ZNF621: variants seen among roughly 807,000 people sequenced by gnomAD.
ZNF621 encodes the protein zinc finger protein 621.
In ZNF621, 6 loss-of-function variants were observed where a neutral mutation model predicts 12.7. That is an observed-to-expected ratio of 0.47 (90% CI 0.26 to 0.93). The LOEUF (loss-of-function observed/expected upper bound fraction) is 0.93, where lower values mean the gene tolerates loss of function less well. Ranked by LOEUF, ZNF621 falls within the 40% of genes least tolerant of loss-of-function variation. The pLI is 0.15. For synonymous variants in ZNF621, 156 were observed against 190.3 expected (o/e 0.82, Z 1.48); for missense variants, 474 against 524.0 (o/e 0.90, Z 0.93).
In ZNF621 at chr3:40,536,339, C is replaced by G. The variant is rs1698863949; in HGVS notation, c.*3249C>G. On this transcript the variant is annotated 3_prime_UTR_variant, in exon 5 of 5. Coordinates refer to ENST00000339296, the MANE Select transcript of ZNF621 (RefSeq NM_198484.5). ...CCTCAAGTGATCCACCCACCTCGGTCTCCCAAAGTGTTGGGATTACAGGCG... is the reference window on the plus strand; with the variant it reads ...CCTCAAGTGATCCACCCACCTCGGTGTCCCAAAGTGTTGGGATTACAGGCG... 6.6e-6 allele frequency: 1 copy of G among 152,230 alleles called. No homozygotes were observed. Among genetic ancestry groups the G allele is most frequent in the African/African-American group, 2.4e-5 (1 of 41,444 alleles). 9.4% of individuals were successfully genotyped at this position (152,230 alleles called of 1,614,324 possible). A position where few individuals can be genotyped will look rare whatever the true frequency, so the allele number is the denominator to read the frequency against.
rs944038318 is a variant in ZNF621, at chr3:40,533,774, GA to G, written c.*686del. The G allele has an allele frequency of 6.6e-6, 1 of 152,502 alleles. No individual in the cohort carries two copies. The highest frequency in any genetic ancestry group is 2.4e-5 in the African/African-American group (1 of 41,436). The allele number at this position is 152,502 out of a possible 1,614,324, so 9.4% of individuals were successfully genotyped here. A position where few individuals can be genotyped will look rare whatever the true frequency, so the allele number is the denominator to read the frequency against. On this transcript the variant is annotated 3_prime_UTR_variant, in exon 5 of 5. Transcript: ENST00000339296. ...ACCTGTGGCTACTGGTAGAGAATTG[GA>G]ATAAGCTTCCAACAATGGACTGTAG... is the stretch of plus-strand genomic sequence containing the variant.
intron 1 of ZNF621, 186 bp from the exon 2 acceptor site, chr3:40,525,593 T>C (rs921817073): frequency 1.6e-6 from 1 of 620,996 alleles, no homozygotes; most frequent in Admixed American, 2.9e-5. Context: ...AGGTGGAAGA[T>C]TGTCCTGAAG....
chr3:40,538,362 A>C lies in ZNF621; in HGVS notation c.*5272A>C. On this transcript the variant is annotated 3_prime_UTR_variant, in exon 5 of 5. Transcript: ENST00000339296. ...ACCCTATCTCTACTAAAAATACAAA[A>C]ATTAGCTGGATGTGGTGGTGTGTGC... is the stretch of plus-strand genomic sequence containing the variant. 1 of 237,068 alleles carries C rather than the reference A, an allele frequency of 4.2e-6. No individual in the cohort carries two copies. Among genetic ancestry groups the C allele is most frequent in the Non-Finnish European group, 8.7e-6 (1 of 115,148 alleles). 14.7% of individuals were successfully genotyped at this position (237,068 alleles called of 1,614,324 possible).
rs180777223 is a variant in ZNF621, at chr3:40,535,720, A to G, written c.*2630A>G. 1 of 152,288 alleles carries G rather than the reference A, an allele frequency of 6.6e-6. No individual in the cohort carries two copies. The highest frequency in any genetic ancestry group is 1.9e-4 in the East Asian group (1 of 5,176). The allele number at this position is 152,288 out of a possible 1,614,324, so 9.4% of individuals were successfully genotyped here. A position where few individuals can be genotyped will look rare whatever the true frequency, so the allele number is the denominator to read the frequency against. On this transcript the variant is annotated 3_prime_UTR_variant, in exon 5 of 5. Coordinates refer to ENST00000339296, the MANE Select transcript of ZNF621 (RefSeq NM_198484.5). ...GGATTCTGCCTGGGAAGAGAGTCAT[A>G]GTATGAAGAAGTCTGAAAATGGGGA...
intron 4 of ZNF621, among the ~76,000 whole-genome samples, chr3:40,531,755 G>C (rs1698730714): frequency 6.6e-6 from 1 of 151,964 alleles, no homozygotes; most frequent in African/African-American, 2.4e-5. Context: ...GTGGAGATGG[G>C]GTTTCACCAT....
chr3:40,525,354 C>T (rs186145768), intron 1 of ZNF621, 80 bp downstream of exon 1: 94 of 180,584 alleles, frequency 5.2e-4, no homozygotes, highest in African/African-American at 2.1e-3. Context: ...GGTCTCCGGT[C>T]AGCATCACCC....
In ZNF621 at chr3:40,539,670, T is replaced by C. The variant is rs554308101; in HGVS notation, c.*6580T>C. 1.3e-5 allele frequency: 2 copies of C among 152,360 alleles called. No homozygotes were observed. Among genetic ancestry groups the C allele is most frequent in the Non-Finnish European group, 2.9e-5 (2 of 68,032 alleles). The allele number at this position is 152,360 out of a possible 1,614,324, so 9.4% of individuals were successfully genotyped here. A position where few individuals can be genotyped will look rare whatever the true frequency, so the allele number is the denominator to read the frequency against. ...ACATTGCTATGAAGTTTATCAGTAA[T>C]AATATCTTATTTCATGGTTGTCCAG... On this transcript the variant is annotated 3_prime_UTR_variant, in exon 5 of 5. Coordinates refer to ENST00000339296, the MANE Select transcript of ZNF621 (RefSeq NM_198484.5).
Position 40,538,577 on chromosome 3 carries a change from C to G in ZNF621, c.*5487C>G, listed in dbSNP as rs1267562458. The G allele has an allele frequency of 6.5e-6, 1 of 155,018 alleles. No individual in the cohort carries two copies. Among genetic ancestry groups the G allele is most frequent in the African/African-American group, 2.4e-5 (1 of 41,390 alleles). 9.6% of individuals were successfully genotyped at this position (155,018 alleles called of 1,614,324 possible). A position where few individuals can be genotyped will look rare whatever the true frequency, so the allele number is the denominator to read the frequency against. ...TAATGTGTCTGGTCACCCAAGAGTT[C>G]TGATGGAGATGTACAAAGAGATTAA... On this transcript the variant is annotated 3_prime_UTR_variant, in exon 5 of 5. Transcript: ENST00000339296.
At position 40,532,943 on chromosome 3, in the gene ZNF621, C is replaced by T. The variant is rs1698771948; in HGVS notation, c.1173C>T (p.Leu391=). The T allele has an allele frequency of 6.4e-7, 1 of 1,557,326 alleles. No homozygotes were observed. Among genetic ancestry groups the T allele is most frequent in the African/African-American group, 1.4e-5 (1 of 73,198 alleles). Residue 391 remains leucine (L), a synonymous_variant, in exon 5 of 5, where the codon CTC becomes CTT. Coordinates refer to ENST00000339296, the MANE Select transcript of ZNF621 (RefSeq NM_198484.5). The stretch of plus-strand genomic sequence containing the variant: ...CACTGACCTTTCCACATGCTGTGCT[C>T]ATTCCTACCTCTGGGAATTTTTTCA... ...VPSLTFPHAV[L]IPTSGNFFML...
rs533008749 is a variant in ZNF621 at position 40,535,835 on chromosome 3, A to G, written c.*2745A>G. On this transcript the variant is annotated 3_prime_UTR_variant, in exon 5 of 5. Transcript: ENST00000339296. Reference sequence around the variant, plus strand: ...TACCTAAATGACAGAAGGATGCACTATATTCATGGGTAGGAAAGATTAGTT... The same window carrying G: ...TACCTAAATGACAGAAGGATGCACTGTATTCATGGGTAGGAAAGATTAGTT... The G allele has an allele frequency of 3.3e-5, 5 of 152,294 alleles. 1 individual carries two copies. In the South Asian group the frequency reaches 1.0e-3, roughly 32 times the overall value. The allele number at this position is 152,294 out of a possible 1,614,324, so 9.4% of individuals were successfully genotyped here. A position where few individuals can be genotyped will look rare whatever the true frequency, so the allele number is the denominator to read the frequency against.
Position 40,538,213 on chromosome 3 carries a change from A to G in ZNF621, c.*5123A>G. On this transcript the variant is annotated 3_prime_UTR_variant, in exon 5 of 5. Coordinates refer to ENST00000339296, the MANE Select transcript of ZNF621 (RefSeq NM_198484.5). ...AGCCCACTGTTGAGACCTACTAAAT[A>G]TTAGGAAAAAAGAATTCTGTCAGGT... The G allele has an allele frequency of 2.4e-6, 1 of 417,646 alleles. No homozygotes were observed. The highest frequency in any genetic ancestry group is 1.7e-5 in the South Asian group (1 of 59,132). 25.9% of individuals were successfully genotyped at this position (417,646 alleles called of 1,614,324 possible). A position where few individuals can be genotyped will look rare whatever the true frequency, so the allele number is the denominator to read the frequency against.
At chr3:40,530,058 C>T in intron 3 of ZNF621, 151 bp from the exon 4 acceptor site, 1 of 599,938 alleles carries the variant, frequency 1.7e-6, no homozygotes, top group African/African-American at 1.9e-5. Flanking sequence ...TATCGTGGAG[C>T]ACAGTTTGGA....
intron 2 of ZNF621, among the ~76,000 whole-genome samples, chr3:40,526,359 C>T (rs568544251): frequency 6.6e-6 from 1 of 152,048 alleles, no homozygotes; most frequent in Non-Finnish European, 1.5e-5. Context: ...TTAGTAGAGA[C>T]GGGGTTTACA....
chr3:40,532,937 T>C lies in ZNF621; in HGVS notation c.1167T>C (p.Ala389=). The part of the protein sequence containing the change: ...VAVPSLTFPH[A]VLIPTSGNFF... Reference sequence around the variant, plus strand: ...TGCCTTCACTGACCTTTCCACATGCTGTGCTCATTCCTACCTCTGGGAATT... The same window carrying C: ...TGCCTTCACTGACCTTTCCACATGCCGTGCTCATTCCTACCTCTGGGAATT... Residue 389 remains alanine (A), a synonymous_variant, in exon 5 of 5, where the codon GCT becomes GCC. Transcript: ENST00000339296. The C allele has an allele frequency of 6.4e-7, 1 of 1,560,206 alleles. No individual in the cohort carries two copies. Among genetic ancestry groups the C allele is most frequent in the Non-Finnish European group, 8.7e-7 (1 of 1,151,892 alleles).
At chr3:40,531,691 T>G (rs1332194592) in intron 4 of ZNF621, among the ~76,000 whole-genome samples, 1 of 152,116 alleles carries the variant, frequency 6.6e-6, no homozygotes, top group African/African-American at 2.4e-5. Context: ...GCCTCCCTAG[T>G]AGCTAGGACC....
Position 40,532,485 on chromosome 3 carries a change from G to A in ZNF621, c.715G>A (p.Glu239Lys). The stretch of plus-strand genomic sequence containing the variant: ...TGGAGAGAAACCCTATGAATGTAAA[G>A]AGTGTGGAAAGGCTTTCCGTAGGAG... Reference protein sequence around the residue: ...HTGEKPYECKECGKAFRRSAA... With the variant: ...HTGEKPYECKKCGKAFRRSAA... The change falls in exon 5 of 5, where the codon GAG becomes AAG. Residue 239 changes from glutamate (E) to lysine (K), a missense_variant. By Grantham distance (56) the Glu-to-Lys change is moderately conservative. Transcript: ENST00000339296. 2 of 1,614,214 alleles carry A rather than the reference G, an allele frequency of 1.2e-6. No individual in the cohort carries two copies. Among genetic ancestry groups the A allele is most frequent in the Non-Finnish European group, 1.7e-6 (2 of 1,180,042 alleles).
Position 40,536,751 on chromosome 3 carries a change from T to G in ZNF621, c.*3661T>G, listed in dbSNP as rs1698873910. ...TTTATTGTGTCTTGCGGATATTGCATTTTTTACAAACTGAAGGTTTGTGGC... is the reference window on the plus strand; with the variant it reads ...TTTATTGTGTCTTGCGGATATTGCAGTTTTTACAAACTGAAGGTTTGTGGC... On this transcript the variant is annotated 3_prime_UTR_variant, in exon 5 of 5. Transcript: ENST00000339296. 1 of 152,238 alleles carries G rather than the reference T, an allele frequency of 6.6e-6. No homozygotes were observed. The highest frequency in any genetic ancestry group is 6.5e-5 in the Admixed American group (1 of 15,290). 9.4% of individuals were successfully genotyped at this position (152,238 alleles called of 1,614,324 possible). A position where few individuals can be genotyped will look rare whatever the true frequency, so the allele number is the denominator to read the frequency against.
chr3:40,525,525 G>T (rs891332146), intron 1 of ZNF621: 2 of 575,304 alleles, frequency 3.5e-6, no homozygotes, highest in Non-Finnish European at 6.2e-6. Context: ...AGGGCTCTTG[G>T]GTCCCTCAGT....
In ZNF621 at chr3:40,533,258, A is replaced by G. The variant is rs1575310557; in HGVS notation, c.*168A>G. The G allele has an allele frequency of 8.9e-7, 1 of 1,121,588 alleles. No individual in the cohort carries two copies. Among genetic ancestry groups the G allele is most frequent in the East Asian group, 2.6e-5 (1 of 38,122 alleles). 69.5% of individuals were successfully genotyped at this position (1,121,588 alleles called of 1,614,324 possible). A position where few individuals can be genotyped will look rare whatever the true frequency, so the allele number is the denominator to read the frequency against. ...TGGGTTCAAGCGATTCTCCTCCTTC[A>G]GACTCTCGAATAGCTGGGATTACAG... is the stretch of plus-strand genomic sequence containing the variant. On this transcript the variant is annotated 3_prime_UTR_variant, in exon 5 of 5. Coordinates refer to ENST00000339296, the MANE Select transcript of ZNF621 (RefSeq NM_198484.5).
Sources: allele counts gnomAD v4.1 joint callset (sites outside exome capture counted in the v4.1 genomes callset), GRCh38; gene constraint gnomAD v4.1.1; transcripts MANE v1.5; gene names NCBI Gene and HGNC (gene_info 2026-07-23, HGNC 2026-07-21).